The following TXLNB variants were observed in gnomAD, a reference collection of about 807,000 sequenced individuals.
TXLNB encodes the protein beta-taxilin.
A neutral mutation model predicts 57.4 loss-of-function variants in TXLNB; 37 were observed. The observed-to-expected ratio is 0.64, with a 90% CI of 0.50 to 0.85. The LOEUF (loss-of-function observed/expected upper bound fraction) is 0.85. Among genes scored for constraint, TXLNB ranks in the 40% least tolerant of loss-of-function variants. The pLI is 0.00. For synonymous variants in TXLNB, 302 were observed against 309.6 expected, an observed-to-expected ratio of 0.98 and a Z score of 0.26; for missense variants, 848 against 825.6, an observed-to-expected ratio of 1.03 and a Z score of -0.33.
At chr6:139,244,471 C>G in intron 9 of TXLNB, 124 bp downstream of exon 9, 1 of 684,132 alleles carries the variant, frequency 1.5e-6, no homozygotes. Context: ...CACATCCTGC[C>G]ACCCCAAATT....
chr6:139,218,684 G>A, the TXLNB span, among the ~76,000 whole-genome samples: 5 of 152,072 alleles, frequency 3.3e-5, no homozygotes, highest in Admixed American at 2.6e-4. Context: ...CCTGGGAGGT[G>A]GAGGTTGCAG....
intron 4 of TXLNB, among the ~76,000 whole-genome samples, chr6:139,264,854 C>G (rs1776574927): frequency 6.6e-6 from 1 of 152,098 alleles, no homozygotes; most frequent in African/African-American, 2.4e-5. Flanking sequence ...AGCCACTGCC[C>G]CCGGCCTATA....
intron 7 of TXLNB, among the ~76,000 whole-genome samples, chr6:139,250,013 G>T (rs1026596324): frequency 2.0e-4 from 30 of 148,486 alleles, no homozygotes; most frequent in South Asian, 8.6e-4. Context: ...GTTTACTGTG[G>T]TTTTTTTTTT....
At chr6:139,208,910 A>G in the TXLNB span, among the ~76,000 whole-genome samples, 1 of 152,200 alleles carries the variant, frequency 6.6e-6, no homozygotes, top group Non-Finnish European at 1.5e-5. Flanking sequence ...CACCACTTCC[A>G]TTCAACATAG....
At chr6:139,300,753 A>G in the TXLNB span, among the ~76,000 whole-genome samples, 1 of 152,110 alleles carries the variant, frequency 6.6e-6, no homozygotes, top group African/African-American at 2.4e-5. Flanking sequence ...AAAATTAGCC[A>G]GCGTGGTGGC....
rs1776450815 is a variant in TXLNB at position 139,260,388 on chromosome 6, T to A, written c.932A>T (p.Asp311Val). Residue 311 changes from aspartate (D) to valine (V), a missense_variant, in exon 6 of 10, where the codon GAT (aspartate) becomes GTT (valine). Coordinates refer to ENST00000358430, the MANE Select transcript of TXLNB (RefSeq NM_153235.4). Reference sequence around the variant, plus strand: ...TTCTTGGGCCTGCTCAAGCTTTGCATCCACCAGCTTCTGCTGCAGTTCTCT... The same window carrying A: ...TTCTTGGGCCTGCTCAAGCTTTGCAACCACCAGCTTCTGCTGCAGTTCTCT... ...KHRELQQKLV[D>V]AKLEQAQEMM... The A allele has an allele frequency of 6.2e-7, 1 of 1,614,078 alleles. No homozygotes were observed. The highest frequency in any genetic ancestry group is 1.3e-5 in the African/African-American group (1 of 74,934).
the TXLNB span, among the ~76,000 whole-genome samples, chr6:139,301,631 A>G: frequency 1.3e-5 from 2 of 152,212 alleles, no homozygotes; most frequent in Admixed American, 1.3e-4. Flanking sequence ...TGGAATCATC[A>G]GAGTCCTCAC....
In TXLNB at chr6:139,280,272, A is replaced by AAAAG. The variant is rs1375130351; in HGVS notation, c.425-3355_425-3352dup. On this transcript the variant is annotated intron_variant, in intron 2 of 9. Transcript: ENST00000358430. ...TCTCTAAAAAAAAAAAAAAAAAAAA[A>AAAAG]AAAGAAAGAAAGAAAGAAACAAAAA... is the stretch of plus-strand genomic sequence containing the variant. Among the ~76,000 whole-genome samples the AAAAG allele has an allele frequency of 1.5e-3, 215 of 145,264 alleles. 6 individuals carry two copies. Among genetic ancestry groups the AAAAG allele is most frequent in the African/African-American group, 5.2e-3 (188 of 35,848 alleles).
chr6:139,166,888 A>G, the TXLNB span: 3 of 1,613,974 alleles, frequency 1.9e-6, no homozygotes, highest in East Asian at 4.5e-5. Flanking sequence ...GCTCCTCCAG[A>G]TACCTCGGGG....
the TXLNB span, among the ~76,000 whole-genome samples, chr6:139,315,562 C>T: frequency 6.6e-6 from 1 of 152,186 alleles, no homozygotes; most frequent in Non-Finnish European, 1.5e-5. Flanking sequence ...GAATAGTACT[C>T]ATATGAATGT....
chr6:139,195,686 C>A, the TXLNB span, among the ~76,000 whole-genome samples: 1 of 152,090 alleles, frequency 6.6e-6, no homozygotes, highest in African/African-American at 2.4e-5. Context: ...CTAATGTAAA[C>A]AAAGTGATCA....
intron 2 of TXLNB, among the ~76,000 whole-genome samples, chr6:139,281,980 T>C (rs1777063669): frequency 6.6e-6 from 1 of 151,796 alleles, no homozygotes; most frequent in Non-Finnish European, 1.5e-5. Context: ...GTACTAATAA[T>C]TTTCCTCAAG....
the TXLNB span, among the ~76,000 whole-genome samples, chr6:139,195,392 T>G: frequency 6.6e-6 from 1 of 152,208 alleles, no homozygotes; most frequent in East Asian, 1.9e-4. Context: ...TCCCTAAAAT[T>G]CCTCAAATTT....
chr6:139,316,540 C>T, the TXLNB span, among the ~76,000 whole-genome samples: 2 of 152,132 alleles, frequency 1.3e-5, no homozygotes, highest in East Asian at 1.9e-4. Flanking sequence ...TGGAATTGAG[C>T]CCAATCTTTC....
At chr6:139,216,217 A>T in the TXLNB span, among the ~76,000 whole-genome samples, 1 of 151,718 alleles carries the variant, frequency 6.6e-6, no homozygotes, top group African/African-American at 2.4e-5. Context: ...AAGACTTGGA[A>T]CCAACCCAAA....
the TXLNB span, among the ~76,000 whole-genome samples, chr6:139,193,840 A>ATATATATT: frequency 7.0e-5 from 6 of 85,230 alleles, no homozygotes; most frequent in East Asian, 3.7e-4. Flanking sequence ...ATATATATAT[A>ATATATATT]TTTTTTTTTT....
At chr6:139,294,298 G>A (rs1377387232), upstream of TXLNB, among the ~76,000 whole-genome samples, 1 of 152,068 alleles carries the variant, frequency 6.6e-6, no homozygotes, top group Non-Finnish European at 1.5e-5. Flanking sequence ...AATGTGGTTT[G>A]GGAATTTCCT....
chr6:139,195,169 C>A, the TXLNB span, among the ~76,000 whole-genome samples: 1 of 152,150 alleles, frequency 6.6e-6, no homozygotes, highest in Non-Finnish European at 1.5e-5. Flanking sequence ...TCTTGAATGC[C>A]AGCAAGGATG....
In TXLNB at chr6:139,240,131, A is replaced by C. The variant is rs1027175766; in HGVS notation, c.*2395T>G. On this transcript the variant is annotated 3_prime_UTR_variant, in exon 10 of 10. Coordinates refer to ENST00000358430, the MANE Select transcript of TXLNB (RefSeq NM_153235.4). Reference sequence around the variant, plus strand: ...ATTTAACTTAGAAAACAATAACTTTAGTGTTTCTAGAAAGTAGATGGCATT... The same window carrying C: ...ATTTAACTTAGAAAACAATAACTTTCGTGTTTCTAGAAAGTAGATGGCATT... The C allele has an allele frequency of 7.9e-5, 12 of 152,646 alleles. No homozygotes were observed. Among genetic ancestry groups the C allele is most frequent in the Admixed American group, 6.5e-4 (10 of 15,282 alleles). 9.5% of individuals were successfully genotyped at this position (152,646 alleles called of 1,614,324 possible).
Sources: gnomAD v4.1 joint callset for allele counts (sites outside exome capture counted in the v4.1 genomes callset) on GRCh38, gnomAD v4.1.1 for gene constraint, MANE v1.5 for transcripts, NCBI Gene and HGNC (gene_info 2026-07-23, HGNC 2026-07-21) for gene names.